LBHD1: variants seen among roughly 807,000 people sequenced by gnomAD.
The protein encoded by LBHD1 is LBH domain-containing protein 1.
In LBHD1, 28 loss-of-function variants were observed where a neutral mutation model predicts 31.1. The observed-to-expected ratio is 0.90, with a 90% CI of 0.67 to 1.24. LBHD1 has a LOEUF of 1.24. Ranked by LOEUF, LBHD1 falls within the 50% of genes most tolerant of loss-of-function variation. The probability of loss-of-function intolerance (pLI) is 0.00; values close to 1 mark genes in which losing one functional copy is unlikely to be tolerated. For missense variants in LBHD1, 350 were observed against 323.0 expected (o/e 1.08, Z -0.64); for synonymous variants, 105 against 116.5 (o/e 0.90, Z 0.63).
In LBHD1 at chr11:62,665,416, C is replaced by T. The variant is rs550842795; in HGVS notation, c.539-443G>A. On this transcript the variant is annotated intron_variant, in intron 4 of 6. Transcript: ENST00000354588. Reference sequence around the variant, plus strand: ...GGGTGGAAGGCTCTGGGCGGGGTCTCAGGACCCTCCTTTTCTTGGCGGGGA... The same window carrying T: ...GGGTGGAAGGCTCTGGGCGGGGTCTTAGGACCCTCCTTTTCTTGGCGGGGA... 127 of 1,484,136 alleles carry T rather than the reference C, an allele frequency of 8.6e-5. 2 individuals are homozygous for T. The South Asian group carries it at 1.4e-3, about 16-fold the overall frequency. 91.9% of individuals were successfully genotyped at this position (1,484,136 alleles called of 1,614,324 possible). A position where few individuals can be genotyped will look rare whatever the true frequency, so the allele number is the denominator to read the frequency against.
rs777290368 is a variant in LBHD1, at chr11:62,669,871, G to A, written c.150+11C>T. The A allele has an allele frequency of 1.2e-6, 2 of 1,614,238 alleles. No homozygotes were observed. Among genetic ancestry groups the A allele is most frequent in the South Asian group, 2.2e-5 (2 of 91,086 alleles). ...AGCCAGCTGCCAGACACAGGCTGAGGAAGTACTAACCTGAATGTGCTGGTG... is the reference window on the plus strand; with the variant it reads ...AGCCAGCTGCCAGACACAGGCTGAGAAAGTACTAACCTGAATGTGCTGGTG... On this transcript the variant is annotated intron_variant, in intron 2 of 6. Coordinates refer to ENST00000354588, the MANE Select transcript of LBHD1 (RefSeq NM_024099.5).
Position 62,672,104 on chromosome 11 carries a change from G to C in LBHD1, c.-551C>G. 4 of 1,578,758 alleles carry C rather than the reference G, an allele frequency of 2.5e-6. No individual in the cohort carries two copies. Among genetic ancestry groups the C allele is most frequent in the Non-Finnish European group, 3.4e-6 (4 of 1,163,222 alleles). On this transcript the variant is annotated 5_prime_UTR_variant, in exon 1 of 7. Transcript: ENST00000354588. ...GGCGGCGAAGGCGGCGCCGGCGGGA[G>C]GTCACCGTGAGACCGGACTTGCCTC... is the stretch of plus-strand genomic sequence containing the variant.
At position 62,669,761 on chromosome 11, in the gene LBHD1, A is replaced by C. The variant is rs1242881463; in HGVS notation, c.193T>G (p.Ser65Ala). Residue 65 changes from serine to alanine, a missense_variant, in exon 3 of 7, where the codon TCC (serine) becomes GCC (alanine). By Grantham distance (99) the Ser-to-Ala change is moderately conservative. Transcript: ENST00000354588. ...KSHLPSIVVE[S>A]SEVNEESGDL... ...CCACTCTCTTCATTCACCTCACTGG[A>C]TTCCACCACAATAGACGGCAGATGG... is the stretch of plus-strand genomic sequence containing the variant. 2 of 1,614,202 alleles carry C rather than the reference A, an allele frequency of 1.2e-6. No individual in the cohort carries two copies. The highest frequency in any genetic ancestry group is 3.3e-5 in the Admixed American group (2 of 60,014).
intron 5 of LBHD1, 59 bp downstream of exon 5, chr11:62,664,790 T>C: frequency 4.5e-6 from 7 of 1,544,464 alleles, no homozygotes; most frequent in South Asian, 2.4e-5. Flanking sequence ...TCCGGAGCTC[T>C]GCAGGGAGGA....
Position 62,667,641 on chromosome 11 carries a change from C to G in LBHD1, c.420G>C (p.Glu140Asp). 1 of 1,614,120 alleles carries G rather than the reference C, an allele frequency of 6.2e-7. No individual in the cohort carries two copies. The highest frequency in any genetic ancestry group is 8.5e-7 in the Non-Finnish European group (1 of 1,180,018). ...QDEEDACWILEDTACLEATNH... is the reference protein window; with the variant it reads ...QDEEDACWILDDTACLEATNH... ...TGGTGGCTTCCAGACATGCTGTGTC[C>G]TCAAGAATCCAACAAGCATCTTCTT... Residue 140 changes from glutamate (E) to aspartate (D), a missense_variant, in exon 4 of 7, where the codon GAG (glutamate) becomes GAC (aspartate). By Grantham distance (45) the Glu-to-Asp change is conservative. Transcript: ENST00000354588.
At chr11:62,670,112 A>C in intron 1 of LBHD1, 71 bp from the exon 2 acceptor site, 2 of 1,474,428 alleles carry the variant, frequency 1.4e-6, no homozygotes, top group South Asian at 1.3e-5. Flanking sequence ...CTGTTCCTTT[A>C]ATCTTCTTTG....
intron 4 of LBHD1, chr11:62,665,879 G>T (rs199964289): frequency 1.5e-5 from 24 of 1,613,278 alleles, no homozygotes; most frequent in Non-Finnish European, 1.9e-5. Context: ...CGAATCTCCA[G>T]ATGGCCGCGC....
intron 5 of LBHD1, 62 bp downstream of exon 5, chr11:62,664,787 C>G: frequency 9.1e-6 from 14 of 1,538,784 alleles, no homozygotes; most frequent in Non-Finnish European, 1.2e-5. Flanking sequence ...TGCTCCGGAG[C>G]TCTGCAGGGA....
chr11:62,665,731 T>C, intron 4 of LBHD1: 1 of 1,466,290 alleles, frequency 6.8e-7, no homozygotes. Flanking sequence ...CGCGTTCTTT[T>C]TTCCGGGACT....
At chr11:62,668,803 CA>C (rs1323971895) in intron 3 of LBHD1, among the ~76,000 whole-genome samples, 28 of 109,666 alleles carry the variant, frequency 2.6e-4, no homozygotes, top group African/African-American at 2.0e-4. Flanking sequence ...GACTCTGTCT[CA>C]AAAAAAAAAA....
chr11:62,665,916 C>A, intron 4 of LBHD1: 1 of 1,613,252 alleles, frequency 6.2e-7, no homozygotes, highest in South Asian at 1.1e-5. Context: ...CTTGCCGAGC[C>A]TGATGATGGG....
chr11:62,666,024 G>GGGACTACACTCCT, intron 4 of LBHD1: 1 of 1,466,912 alleles, frequency 6.8e-7, no homozygotes, highest in Non-Finnish European at 9.3e-7. Flanking sequence ...TCGTGAGTCA[G>GGGACTACACTCCT]GAGTGTAGTC....
chr11:62,670,132 C>T (rs1944913196), intron 1 of LBHD1, 91 bp from the exon 2 acceptor site: 2 of 1,321,848 alleles, frequency 1.5e-6, no homozygotes, highest in African/African-American at 1.5e-5. Context: ...GGAGCCTGGC[C>T]CCTTAAGCAC....
In LBHD1 at chr11:62,672,079, G is replaced by C. The variant is rs759673133; in HGVS notation, c.-526C>G. On this transcript the variant is annotated 5_prime_UTR_variant, in exon 1 of 7. Transcript: ENST00000354588. ...GGCCTGGAGGAAGAACTGGATGGTT[G>C]GCGGCGAAGGCGGCGCCGGCGGGAG... 5 of 1,598,384 alleles carry C rather than the reference G, an allele frequency of 3.1e-6. No homozygotes were observed. In the African/African-American group the frequency reaches 6.7e-5, roughly 21 times the overall value.
intron 4 of LBHD1, chr11:62,666,904 G>T: frequency 6.2e-7 from 1 of 1,613,836 alleles, no homozygotes; most frequent in South Asian, 1.1e-5. Flanking sequence ...ACCCTCAGGG[G>T]ACCCTGATTC....
At chr11:62,671,195 A>C (rs1205363261) in intron 1 of LBHD1, 2 of 451,902 alleles carry the variant, frequency 4.4e-6, no homozygotes, top group Non-Finnish European at 8.9e-6. Context: ...CGAGAAAAGG[A>C]ATAGGTTGTT....
At chr11:62,666,023 A>G in intron 4 of LBHD1, 2 of 1,470,164 alleles carry the variant, frequency 1.4e-6, no homozygotes, top group East Asian at 2.3e-5. Flanking sequence ...CTCGTGAGTC[A>G]GGAGTGTAGT....
At position 62,664,911 on chromosome 11, in the gene LBHD1, G is replaced by T; in HGVS notation, c.601C>A (p.Pro201Thr). 1.2e-6 allele frequency: 2 copies of T among 1,601,210 alleles called. No homozygotes were observed. The highest frequency in any genetic ancestry group is 1.7e-6 in the Non-Finnish European group (2 of 1,174,206). Residue 201 changes from proline to threonine, a missense_variant, in exon 5 of 7, where the codon CCG becomes ACG. Coordinates refer to ENST00000354588, the MANE Select transcript of LBHD1 (RefSeq NM_024099.5). ...GVESGAASEA[P>T]GGRGCDRPRA... ...GGTCTATCACAGCCCCGACCACCCG[G>T]TGCCTCAGACGCCGCTCCCGATTCA...
At chr11:62,665,739 A>G in intron 4 of LBHD1, 7 of 1,476,060 alleles carry the variant, frequency 4.7e-6, no homozygotes, top group Non-Finnish European at 5.4e-6. Flanking sequence ...TTTTTCCGGG[A>G]CTGCAGAGTT....
Sources: gnomAD v4.1 joint callset for allele counts (sites outside exome capture counted in the v4.1 genomes callset) on GRCh38, gnomAD v4.1.1 for gene constraint, MANE v1.5 for transcripts, NCBI Gene and HGNC (gene_info 2026-07-23, HGNC 2026-07-21) for gene names.